TENM2: variants seen among roughly 807,000 people sequenced by gnomAD.
TENM2 encodes teneurin transmembrane protein 2, also known as teneurin-2.
A neutral mutation model predicts 245.2 loss-of-function variants in TENM2; 52 were observed. That is an observed-to-expected ratio of 0.21 (90% CI 0.17 to 0.27). The LOEUF (loss-of-function observed/expected upper bound fraction) is 0.27, where lower values mean the gene tolerates loss of function less well. Ranked by LOEUF, TENM2 falls within the 10% of genes least tolerant of loss-of-function variation. The probability of loss-of-function intolerance (pLI) is 1.00; values close to 1 mark genes in which losing one functional copy is unlikely to be tolerated. For missense variants in TENM2, 3,046 were observed against 3,666.8 expected (o/e 0.83, Z 4.37); for synonymous variants, 1,363 against 1,438.9 (o/e 0.95, Z 1.19).
intron 2 of TENM2, among the ~76,000 whole-genome samples, chr5:167,384,027 T>C (rs1451790961): frequency 2.0e-5 from 3 of 152,222 alleles, no homozygotes; most frequent in African/African-American, 4.8e-5. Context: ...CATTATTTTG[T>C]GGCAACCTGT....
intron 2 of TENM2, among the ~76,000 whole-genome samples, chr5:167,449,567 GATA>G (rs1561965051): frequency 7.6e-6 from 1 of 131,706 alleles, no homozygotes; most frequent in Non-Finnish European, 1.7e-5. Context: ...TAGATAGATA[GATA>G]AAGACAGTTT....
At chr5:167,955,409 C>G (rs967818904) in intron 4 of TENM2, among the ~76,000 whole-genome samples, 15 of 152,094 alleles carry the variant, frequency 9.9e-5, no homozygotes, top group African/African-American at 3.1e-4. Flanking sequence ...TTCTCCCATT[C>G]TATAGATTGC....
intron 2 of TENM2, among the ~76,000 whole-genome samples, chr5:167,614,998 T>G (rs1430696984): frequency 6.6e-6 from 1 of 152,046 alleles, no homozygotes; most frequent in African/African-American, 2.4e-5. Flanking sequence ...ACTGTGGGGG[T>G]TTGGCATTCT....
the TENM2 span, among the ~76,000 whole-genome samples, chr5:167,132,337 G>T: frequency 6.6e-6 from 1 of 152,080 alleles, no homozygotes; most frequent in African/African-American, 2.4e-5. Context: ...CCATCACCAT[G>T]CAACATTTCG....
chr5:167,490,331 T>G (rs923785399), intron 2 of TENM2, among the ~76,000 whole-genome samples: 1 of 152,168 alleles, frequency 6.6e-6, no homozygotes, highest in African/African-American at 2.4e-5. Flanking sequence ...TCTTCCTTAT[T>G]TTTAACATCT....
At chr5:168,049,267 GC>G in intron 6 of TENM2, among the ~76,000 whole-genome samples, 1 of 152,232 alleles carries the variant, frequency 6.6e-6, no homozygotes, top group Middle Eastern at 3.4e-3. Flanking sequence ...CAATAGTGCT[GC>G]CCTTGGAAAC....
intron 2 of TENM2, among the ~76,000 whole-genome samples, chr5:167,746,909 C>T (rs2150622967): frequency 6.6e-6 from 1 of 152,238 alleles, no homozygotes; most frequent in South Asian, 2.1e-4. Flanking sequence ...ATACATCTCA[C>T]AAGTCTTTAT....
chr5:167,942,079 G>T (rs757823780), intron 3 of TENM2, among the ~76,000 whole-genome samples: 1 of 152,020 alleles, frequency 6.6e-6, no homozygotes. Flanking sequence ...GTGGTGACAC[G>T]TGCCTGTAAT....
chr5:168,011,904 C>T (rs1330901451), intron 5 of TENM2, among the ~76,000 whole-genome samples: 3 of 152,174 alleles, frequency 2.0e-5, no homozygotes, highest in Non-Finnish European at 4.4e-5. Context: ...ACCTAAATGT[C>T]GCAGTGACTC....
chr5:167,103,300 A>G, the TENM2 span, among the ~76,000 whole-genome samples: 1 of 152,186 alleles, frequency 6.6e-6, no homozygotes, highest in African/African-American at 2.4e-5. Context: ...TATTCTATAC[A>G]TTTATATTGT....
At chr5:168,020,355 C>T (rs1333591099) in intron 5 of TENM2, among the ~76,000 whole-genome samples, 2 of 152,184 alleles carry the variant, frequency 1.3e-5, no homozygotes, top group African/African-American at 4.8e-5. Context: ...ATAGACAGTA[C>T]CCACATTCCT....
intron 2 of TENM2, among the ~76,000 whole-genome samples, chr5:167,561,632 A>G (rs1773593356): frequency 6.6e-6 from 1 of 152,214 alleles, no homozygotes; most frequent in Non-Finnish European, 1.5e-5. Flanking sequence ...CCAAGAAGGT[A>G]TTAATTTCCC....
At chr5:167,523,224 A>T (rs1205944316) in intron 2 of TENM2, among the ~76,000 whole-genome samples, 1 of 152,148 alleles carries the variant, frequency 6.6e-6, no homozygotes, top group Admixed American at 6.6e-5. Flanking sequence ...TTGCCACAGG[A>T]GGTAAGATTT....
chr5:167,405,798 A>ACG (rs1450739484), intron 2 of TENM2, among the ~76,000 whole-genome samples: 8 of 151,326 alleles, frequency 5.3e-5, no homozygotes, highest in Non-Finnish European at 7.4e-5. Context: ...ACACACACAC[A>ACG]CGCACACAGA....
chr5:167,544,634 A>G (rs1241648496), intron 2 of TENM2, among the ~76,000 whole-genome samples: 1 of 152,152 alleles, frequency 6.6e-6, no homozygotes, highest in Non-Finnish European at 1.5e-5. Flanking sequence ...TGATTCATTA[A>G]TTCATCTACT....
the TENM2 span, among the ~76,000 whole-genome samples, chr5:167,125,926 T>C: frequency 6.6e-6 from 1 of 152,206 alleles, no homozygotes; most frequent in Non-Finnish European, 1.5e-5. Flanking sequence ...AAATACTTTT[T>C]CCCAACAACT....
At chr5:167,117,230 G>A in the TENM2 span, among the ~76,000 whole-genome samples, 176 of 152,324 alleles carry the variant, frequency 1.2e-3, 1 homozygote, top group African/African-American at 3.9e-3. Context: ...CAGGCTGGGC[G>A]CCATGGCTCA....
At chr5:167,830,700 C>T (rs532591036) in intron 2 of TENM2, among the ~76,000 whole-genome samples, 83 of 152,236 alleles carry the variant, frequency 5.5e-4, no homozygotes, top group Non-Finnish European at 3.4e-4. Context: ...CCTAGAGAAG[C>T]AGTTAAGAAA....
the TENM2 span, among the ~76,000 whole-genome samples, chr5:167,230,687 A>G: frequency 6.6e-6 from 1 of 152,216 alleles, no homozygotes; most frequent in South Asian, 2.1e-4. Flanking sequence ...CATTTTCTAA[A>G]GAACCAGAGA....
Sources: allele counts gnomAD v4.1 joint callset (sites outside exome capture counted in the v4.1 genomes callset), GRCh38; gene constraint gnomAD v4.1.1; transcripts MANE v1.5; gene names NCBI Gene and HGNC (gene_info 2026-07-23, HGNC 2026-07-21).